Variants in ADIPOR1 observed in about 807,000 individuals in gnomAD.
The protein encoded by ADIPOR1 is adiponectin receptor protein 1.
Under a neutral mutation model 37.5 loss-of-function variants are expected in ADIPOR1, and 15 were observed. The ratio of observed to expected loss-of-function variants is 0.40; its 90% confidence interval spans 0.27 to 0.62. The LOEUF is 0.62. Among genes scored for constraint, ADIPOR1 ranks in the 20% least tolerant of loss-of-function variants. The pLI is 0.42. For synonymous variants in ADIPOR1, 173 were observed against 173.2 expected, an observed-to-expected ratio of 1.00 and a Z score of 0.01; for missense variants, 286 against 478.0, an observed-to-expected ratio of 0.60 and a Z score of 3.75.
intron 1 of ADIPOR1, among the ~76,000 whole-genome samples, chr1:202,956,703 G>A (rs1654798872): frequency 6.6e-6 from 1 of 152,188 alleles, no homozygotes; most frequent in Non-Finnish European, 1.5e-5. Context: ...AACATGCCAT[G>A]AAAGAACACA....
chr1:202,951,463 C>A (rs1459508739), intron 1 of ADIPOR1, among the ~76,000 whole-genome samples: 5 of 152,164 alleles, frequency 3.3e-5, no homozygotes. Context: ...ACCCTCAACT[C>A]CCTCCCACAG....
intron 1 of ADIPOR1, among the ~76,000 whole-genome samples, chr1:202,954,924 T>C (rs1348207026): frequency 6.6e-6 from 1 of 152,152 alleles, no homozygotes; most frequent in African/African-American, 2.4e-5. Flanking sequence ...AAGAGTTTAG[T>C]TCCTGGGCCT....
chr1:202,956,938 C>G (rs561524827), intron 1 of ADIPOR1, among the ~76,000 whole-genome samples: 22 of 152,330 alleles, frequency 1.4e-4, no homozygotes, highest in African/African-American at 4.8e-4. Context: ...CTTTCAGTTT[C>G]TACTCTACAA....
intron 4 of ADIPOR1, among the ~76,000 whole-genome samples, chr1:202,945,990 C>A (rs939824285): frequency 4.5e-5 from 6 of 132,398 alleles, no homozygotes; most frequent in East Asian, 2.3e-4. Context: ...TAACCAAACC[C>A]CCCCCCACCC....
In ADIPOR1 at chr1:202,951,050, A is replaced by G; in HGVS notation, c.21T>C (p.Ser7=). ...GAGCCCCATTCCCCTGTGCCACCAC[A>G]GATCCTTTGTGGGAAGACATCTGGC... MSSHKG[S]VVAQGNGAPA... is the part of the protein sequence containing the mutation. Residue 7 remains serine (S), a synonymous_variant, in exon 2 of 8, where the codon TCT becomes TCC. Transcript: ENST00000340990. The G allele has an allele frequency of 6.2e-7, 1 of 1,614,160 alleles. No homozygotes were observed. The highest frequency in any genetic ancestry group is 8.5e-7 in the Non-Finnish European group (1 of 1,180,028).
At chr1:202,952,599 C>G (rs1445201012) in intron 1 of ADIPOR1, among the ~76,000 whole-genome samples, 1 of 152,158 alleles carries the variant, frequency 6.6e-6, no homozygotes, top group African/African-American at 2.4e-5. Flanking sequence ...CTTTTCCTGC[C>G]CTTGGACATC....
chr1:202,944,988 A>G lies in ADIPOR1; in HGVS notation c.612T>C (p.Phe204=), dbSNP rs778963467. The change falls in exon 5 of 8, where the codon TTT becomes TTC. Residue 204 remains phenylalanine (F), a synonymous_variant. Transcript: ENST00000340990. ...ATGGTGTTCTTTTAACTCACTTGGA[A>G]AAAGTCCGAGAGACTTTCTCTGAAT... The part of the protein sequence containing the change: ...YCHSEKVSRT[F]SKLDYSGIAL... 1 of 1,609,526 alleles carries G rather than the reference A, an allele frequency of 6.2e-7. No individual in the cohort carries two copies. Among genetic ancestry groups the G allele is most frequent in the Admixed American group, 1.7e-5 (1 of 58,256 alleles).
rs370136601 is a variant in ADIPOR1, at chr1:202,941,612, G to A, written c.1089C>T (p.Tyr363=). 58 of 1,614,008 alleles carry A rather than the reference G, an allele frequency of 3.6e-5. No homozygotes were observed. The highest frequency in any genetic ancestry group is 4.7e-5 in the Non-Finnish European group (55 of 1,180,016). The change falls in exon 8 of 8, where the codon TAC becomes TAT. Residue 363 remains tyrosine, a synonymous_variant. Transcript: ENST00000340990. ...YGVSNLQEFR[Y]GLEGGCTDDT... ...CATCAGTACAGCCGCCTTCTAGGCC[G>A]TAACGGAATTCCTGAAGGTTGGAGA... is the stretch of plus-strand genomic sequence containing the variant.
intron 1 of ADIPOR1, among the ~76,000 whole-genome samples, chr1:202,957,257 C>A (rs1228867718): frequency 6.6e-6 from 1 of 152,100 alleles, no homozygotes; most frequent in Non-Finnish European, 1.5e-5. Flanking sequence ...CAGAAAAGAA[C>A]CAGCCATTAC....
chr1:202,949,838 T>C (rs1654494403), intron 2 of ADIPOR1, among the ~76,000 whole-genome samples: 3 of 152,290 alleles, frequency 2.0e-5, no homozygotes, highest in South Asian at 2.1e-4. Context: ...CACGGTTTTG[T>C]TCAGGGTGGC....
At position 202,950,972 on chromosome 1, in the gene ADIPOR1, C is replaced by T. The variant is rs753097669; in HGVS notation, c.99G>A (p.Leu33=). Residue 33 remains leucine, a synonymous_variant, in exon 2 of 8, where the codon CTG becomes CTA. Transcript: ENST00000340990. ...DTVELAELGP[L]LEEKGKRVIA... is the part of the protein sequence containing the mutation. ...TTACCCGTTTGCCCTTCTCTTCTAG[C>T]AGGGGTCCCAGTTCAGCCAGTTCCA... 1.9e-6 allele frequency: 3 copies of T among 1,614,194 alleles called. No individual in the cohort carries two copies.
chr1:202,950,061 C>A (rs1259728212), intron 2 of ADIPOR1, among the ~76,000 whole-genome samples: 1 of 152,056 alleles, frequency 6.6e-6, no homozygotes, highest in Admixed American at 6.5e-5. Context: ...CTCCCAGATT[C>A]AAGCGATTCT....
intron 2 of ADIPOR1, among the ~76,000 whole-genome samples, 173 bp from the exon 3 acceptor site, chr1:202,948,593 T>A (rs960679635): frequency 6.6e-6 from 1 of 152,206 alleles, no homozygotes; most frequent in Non-Finnish European, 1.5e-5. Context: ...ACAACACTAG[T>A]TAGAAATTTA....
intron 1 of ADIPOR1, among the ~76,000 whole-genome samples, chr1:202,957,867 C>T (rs1353490293): frequency 2.0e-5 from 3 of 152,196 alleles, no homozygotes; most frequent in Non-Finnish European, 2.9e-5. Context: ...TCTGGGGAAC[C>T]CATGCATCTC....
rs765577947 is a variant in ADIPOR1, at chr1:202,950,963, C to T, written c.108G>A (p.Glu36=). 7 of 1,614,046 alleles carry T rather than the reference C, an allele frequency of 4.3e-6. No individual in the cohort carries two copies. The Admixed American group carries it at 1.0e-4, about 23-fold the overall frequency. ...GGTTGGCGATTACCCGTTTGCCCTT[C>T]TCTTCTAGCAGGGGTCCCAGTTCAG... The part of the protein sequence containing the change: ...ELAELGPLLE[E]KGKRVIANPP... The change falls in exon 2 of 8, where the codon GAG becomes GAA. Residue 36 remains glutamate (E), a synonymous_variant. Transcript: ENST00000340990.
rs749141396 is a variant in ADIPOR1 at position 202,948,371 on chromosome 1, ACCT to A, written c.188_190del (p.Glu63del). On this transcript the variant is annotated inframe_deletion, in exon 3 of 8. Coordinates refer to ENST00000340990, the MANE Select transcript of ADIPOR1 (RefSeq NM_015999.6). The stretch of plus-strand genomic sequence containing the variant: ...TTGCAGGGGAAGTGTCAGTACCCGC[ACCT>A]CCTCCTCTTCTTCCTGGGGCACTGG... 4.3e-6 allele frequency: 7 copies of A among 1,612,018 alleles called. No homozygotes were observed. The highest frequency in any genetic ancestry group is 2.7e-5 in the African/African-American group (2 of 74,120).
At chr1:202,946,390 G>A (rs781666881) in intron 4 of ADIPOR1, 49 bp downstream of exon 4, 12 of 1,604,880 alleles carry the variant, frequency 7.5e-6, no homozygotes, top group Admixed American at 5.0e-5. Context: ...TAATCCCTTC[G>A]CAGTTAGGGA....
intron 2 of ADIPOR1, among the ~76,000 whole-genome samples, chr1:202,950,309 C>T (rs1458183940): frequency 6.6e-6 from 1 of 151,834 alleles, no homozygotes; most frequent in African/African-American, 2.4e-5. Flanking sequence ...CACAGTGGCT[C>T]ATACCTGTAA....
chr1:202,945,107 C>T lies in ADIPOR1; in HGVS notation c.493G>A (p.Ala165Thr). Reference sequence around the variant, plus strand: ...AAAACCACCTTCTCCTGTAGAGGGGCCATGAAGTACATATTTGGTCTGAGC... The same window carrying T: ...AAAACCACCTTCTCCTGTAGAGGGGTCATGAAGTACATATTTGGTCTGAGC... ...TMLRPNMYFMAPLQEKVVFGM... is the reference protein window; with the variant it reads ...TMLRPNMYFMTPLQEKVVFGM... The change falls in exon 5 of 8, where the codon GCC (alanine) becomes ACC (threonine). Residue 165 changes from alanine to threonine, a missense_variant. Ala to Thr is a moderately conservative substitution (Grantham distance 58). Transcript: ENST00000340990. 2 of 1,614,006 alleles carry T rather than the reference C, an allele frequency of 1.2e-6. No individual in the cohort carries two copies. Among genetic ancestry groups the T allele is most frequent in the Non-Finnish European group, 1.7e-6 (2 of 1,179,956 alleles).
Sources: gnomAD v4.1 joint callset for allele counts (sites outside exome capture counted in the v4.1 genomes callset) on GRCh38, gnomAD v4.1.1 for gene constraint, MANE v1.5 for transcripts, NCBI Gene and HGNC (gene_info 2026-07-23, HGNC 2026-07-21) for gene names.